NFIB: variants seen among roughly 807,000 people sequenced by gnomAD.
NFIB encodes nuclear factor I B.
NFIB carries 11 observed loss-of-function variants against 61.5 expected under a neutral mutation model. The observed-to-expected ratio is 0.18, with a 90% CI of 0.11 to 0.30. The LOEUF is 0.30. Ranked by LOEUF, NFIB falls within the 10% of genes least tolerant of loss-of-function variation. NFIB has a pLI of 1.00. For missense variants in NFIB, 471 were observed against 608.9 expected, an observed-to-expected ratio of 0.77 and a Z score of 2.38; for synonymous variants, 260 against 216.5, an observed-to-expected ratio of 1.20 and a Z score of -1.76.
At chr9:14,163,898 G>T (rs919589849) in intron 3 of NFIB, among the ~76,000 whole-genome samples, 1 of 151,498 alleles carries the variant, frequency 6.6e-6, no homozygotes, top group Admixed American at 6.6e-5. Flanking sequence ...ATAAAAAAAT[G>T]ACTGAATTAT....
chr9:14,458,317 C>A, the NFIB span, among the ~76,000 whole-genome samples: 2 of 152,184 alleles, frequency 1.3e-5, no homozygotes, highest in East Asian at 3.8e-4. Flanking sequence ...AATTCAACTG[C>A]CCTTCATGCT....
At chr9:14,445,532 T>C in the NFIB span, among the ~76,000 whole-genome samples, 4 of 152,208 alleles carry the variant, frequency 2.6e-5, no homozygotes, top group Non-Finnish European at 4.4e-5. Flanking sequence ...AAAATGAGTA[T>C]TAAATTTTAG....
intron 2 of NFIB, among the ~76,000 whole-genome samples, chr9:14,211,850 G>C (rs1465255859): frequency 6.6e-6 from 1 of 152,216 alleles, no homozygotes; most frequent in African/African-American, 2.4e-5. Context: ...TTCAATAAAG[G>C]AGGTATACAC....
intron 1 of NFIB, among the ~76,000 whole-genome samples, chr9:14,325,371 G>A (rs994027807): frequency 6.6e-6 from 1 of 151,978 alleles, no homozygotes; most frequent in African/African-American, 2.4e-5. Flanking sequence ...AGATTTTTCT[G>A]CTTCTTCCTA....
chr9:14,243,180 A>C (rs916168388), intron 2 of NFIB, among the ~76,000 whole-genome samples: 3 of 152,226 alleles, frequency 2.0e-5, no homozygotes, highest in African/African-American at 7.2e-5. Flanking sequence ...CTCCCTCCTT[A>C]GAAAGACAGA....
intron 2 of NFIB, among the ~76,000 whole-genome samples, chr9:14,205,537 T>C (rs972698953): frequency 6.6e-6 from 1 of 152,040 alleles, no homozygotes; most frequent in Non-Finnish European, 1.5e-5. Context: ...TACTGCATAA[T>C]GAGGTCAGTG....
At chr9:14,136,643 G>T (rs920220070) in intron 6 of NFIB, among the ~76,000 whole-genome samples, 3 of 152,128 alleles carry the variant, frequency 2.0e-5, no homozygotes, top group Admixed American at 1.3e-4. Context: ...GGTTAGAGTT[G>T]ATTTAACTGA....
chr9:14,218,144 G>T (rs1370469514), intron 2 of NFIB, among the ~76,000 whole-genome samples: 1 of 152,066 alleles, frequency 6.6e-6, no homozygotes, highest in East Asian at 1.9e-4. Context: ...GCTCCAAGGT[G>T]GTATTTGGAA....
chr9:14,215,220 T>C (rs1380405918), intron 2 of NFIB, among the ~76,000 whole-genome samples: 8 of 142,548 alleles, frequency 5.6e-5, no homozygotes, highest in African/African-American at 2.1e-4. Flanking sequence ...TTCACATCAG[T>C]TTCTCATAGA....
At chr9:14,099,513 C>T (rs73409955) in intron 10 of NFIB, among the ~76,000 whole-genome samples, 3 of 152,074 alleles carry the variant, frequency 2.0e-5, no homozygotes, top group East Asian at 3.9e-4. Flanking sequence ...ATCATGCCAC[C>T]GACAAGGGCT....
chr9:14,348,672 C>G (rs2061065038), intron 1 of NFIB, among the ~76,000 whole-genome samples: 2 of 152,224 alleles, frequency 1.3e-5, no homozygotes, highest in African/African-American at 4.8e-5. Flanking sequence ...AGTGGGATGG[C>G]TCTGGGGGTG....
intron 1 of NFIB, among the ~76,000 whole-genome samples, chr9:14,348,878 C>T (rs1274813277): frequency 1.3e-5 from 2 of 152,264 alleles, no homozygotes; most frequent in Non-Finnish European, 2.9e-5. Context: ...AACCACGAAG[C>T]TTGCGCCTTC....
chr9:14,486,025 G>A, the NFIB span, among the ~76,000 whole-genome samples: 6 of 152,156 alleles, frequency 3.9e-5, no homozygotes, highest in Admixed American at 6.5e-5. Flanking sequence ...AGAGTCTTAC[G>A]GACACACACA....
At chr9:14,293,381 C>A (rs1005474424) in intron 2 of NFIB, among the ~76,000 whole-genome samples, 30 of 152,102 alleles carry the variant, frequency 2.0e-4, no homozygotes, top group African/African-American at 7.0e-4. Flanking sequence ...AGAATTGAAC[C>A]AACACTTCAT....
At chr9:14,156,008 C>T (rs1470160565) in intron 3 of NFIB, 115 bp from the exon 4 acceptor site, 6 of 528,334 alleles carry the variant, frequency 1.1e-5, no homozygotes, top group African/African-American at 1.0e-4. Context: ...ACCAAATATG[C>T]TTACAATAAG....
At chr9:14,410,703 T>A in the NFIB span, among the ~76,000 whole-genome samples, 1 of 152,168 alleles carries the variant, frequency 6.6e-6, no homozygotes, top group African/African-American at 2.4e-5. Context: ...CCTGGGAGCA[T>A]CATACTCCTT....
intron 2 of NFIB, among the ~76,000 whole-genome samples, chr9:14,299,433 AAT>A (rs2059630299): frequency 6.6e-6 from 1 of 152,366 alleles, no homozygotes; most frequent in South Asian, 2.1e-4. Context: ...TATTTTGAGA[AAT>A]AGACTATTTT....
At chr9:14,331,645 A>C (rs536811478) in intron 1 of NFIB, among the ~76,000 whole-genome samples, 1 of 152,352 alleles carries the variant, frequency 6.6e-6, no homozygotes, top group South Asian at 2.1e-4. Context: ...AAGTAATGGA[A>C]TATAGGCTTT....
intron 8 of NFIB, among the ~76,000 whole-genome samples, chr9:14,119,794 A>C (rs1403210492): frequency 1.3e-5 from 2 of 152,164 alleles, no homozygotes; most frequent in African/African-American, 4.8e-5. Flanking sequence ...CTATGAAGTA[A>C]CCTCTTGGTA....
Sources: gnomAD v4.1 joint callset for allele counts (sites outside exome capture counted in the v4.1 genomes callset) on GRCh38, gnomAD v4.1.1 for gene constraint, MANE v1.5 for transcripts, NCBI Gene and HGNC (gene_info 2026-07-23, HGNC 2026-07-21) for gene names.